Variants in WDR37 observed in about 807,000 individuals in gnomAD.
The protein encoded by WDR37 is WD repeat-containing protein 37.
Under a neutral mutation model 62.9 loss-of-function variants are expected in WDR37, and 19 were observed. The observed-to-expected ratio is 0.30, with a 90% confidence interval of 0.21 to 0.44. The LOEUF (loss-of-function observed/expected upper bound fraction) is 0.44, where lower values mean the gene tolerates loss of function less well. Ranked by LOEUF, WDR37 falls within the 20% of genes least tolerant of loss-of-function variation. WDR37 has a pLI of 1.00. For synonymous variants in WDR37, 250 were observed against 260.9 expected (o/e 0.96, Z 0.40); for missense variants, 474 against 657.6 (o/e 0.72, Z 3.05).
chr10:1,091,253 A>C (rs1168369338), intron 7 of WDR37, among the ~76,000 whole-genome samples: 5 of 152,156 alleles, frequency 3.3e-5, no homozygotes, highest in Admixed American at 2.6e-4. Flanking sequence ...AGACATAATA[A>C]AGTGAAAATT....
intron 9 of WDR37, among the ~76,000 whole-genome samples, chr10:1,097,912 G>T (rs1031790727): frequency 6.6e-6 from 1 of 152,172 alleles, no homozygotes; most frequent in Non-Finnish European, 1.5e-5. Context: ...TCAGCTTCAG[G>T]GTGGGCGAAT....
At chr10:1,057,506 A>T (rs1298612274) in intron 1 of WDR37, among the ~76,000 whole-genome samples, 1 of 152,134 alleles carries the variant, frequency 6.6e-6, no homozygotes, top group African/African-American at 2.4e-5. Context: ...GTGTGGAGTG[A>T]CGGATGCTGA....
chr10:1,129,354 C>A lies in WDR37; in HGVS notation c.*10C>A. On this transcript the variant is annotated 3_prime_UTR_variant, in exon 14 of 14. Transcript: ENST00000263150. ...GCTACAAGAAAAATAAGGACACCGG[C>A]AGCCCTTAGTTTCACTGTTTGCCAG... is the stretch of plus-strand genomic sequence containing the variant. The A allele has an allele frequency of 6.2e-7, 1 of 1,613,924 alleles. No homozygotes were observed. Among genetic ancestry groups the A allele is most frequent in the Non-Finnish European group, 8.5e-7 (1 of 1,179,878 alleles).
At chr10:1,083,798 G>A (rs1834105433) in intron 5 of WDR37, among the ~76,000 whole-genome samples, 1 of 152,234 alleles carries the variant, frequency 6.6e-6, no homozygotes, top group Non-Finnish European at 1.5e-5. Context: ...CGGCCGCGCT[G>A]CCCTGCATCC....
At chr10:1,061,209 C>T (rs1833361783) in intron 1 of WDR37, among the ~76,000 whole-genome samples, 1 of 152,172 alleles carries the variant, frequency 6.6e-6, no homozygotes, top group Admixed American at 6.5e-5. Flanking sequence ...TGCCAGTCCA[C>T]CAACTTTCTT....
chr10:1,070,223 A>AG (rs2131613310), intron 1 of WDR37, among the ~76,000 whole-genome samples: 1 of 151,954 alleles, frequency 6.6e-6, no homozygotes, highest in East Asian at 1.9e-4. Flanking sequence ...AAAAAAAAAA[A>AG]AAATTGGGAA....
intron 1 of WDR37, among the ~76,000 whole-genome samples, chr10:1,057,321 G>GAGGGCCCGGGGCGGCGCTGC (rs941539321): frequency 2.0e-5 from 3 of 152,118 alleles, no homozygotes; most frequent in African/African-American, 7.2e-5. Flanking sequence ...CGGGGCGCTG[G>GAGGGCCCGGGGCGGCGCTGC]AGGGGTTGGG....
At chr10:1,070,353 G>T (rs1421865013) in intron 1 of WDR37, among the ~76,000 whole-genome samples, 1 of 152,006 alleles carries the variant, frequency 6.6e-6, no homozygotes, top group East Asian at 1.9e-4. Context: ...AACATTTTTG[G>T]GTTATGCTTG....
At chr10:1,059,376 C>CA (rs1238206639) in intron 1 of WDR37, among the ~76,000 whole-genome samples, 7 of 151,892 alleles carry the variant, frequency 4.6e-5, no homozygotes, top group East Asian at 1.9e-4. Flanking sequence ...GATTCTGTGT[C>CA]AAAAAGAAAA....
chr10:1,059,921 C>T (rs915048557), intron 1 of WDR37, among the ~76,000 whole-genome samples: 20 of 152,232 alleles, frequency 1.3e-4, no homozygotes, highest in African/African-American at 4.6e-4. Context: ...CTCAGCTCAC[C>T]ACTGCCTCCA....
At chr10:1,092,872 C>CAAAAAAAAAAAA (rs56220560) in intron 7 of WDR37, among the ~76,000 whole-genome samples, 517 of 41,950 alleles carry the variant, frequency 0.012, 23 homozygotes, top group Non-Finnish European at 0.015. Flanking sequence ...CCCTATCTCA[C>CAAAAAAAAAAAA]AAAAAAAAAA....
At chr10:1,077,212 G>A (rs1338975020) in intron 2 of WDR37, among the ~76,000 whole-genome samples, 2 of 152,080 alleles carry the variant, frequency 1.3e-5, no homozygotes, top group Non-Finnish European at 2.9e-5. Context: ...TGATATGTTT[G>A]GTGCTCAGGA....
chr10:1,110,297 C>G (rs1197265138), intron 11 of WDR37, among the ~76,000 whole-genome samples: 5 of 152,190 alleles, frequency 3.3e-5, no homozygotes, highest in Non-Finnish European at 5.9e-5. Flanking sequence ...TGAACACAAA[C>G]TCTTCCTTCC....
intron 11 of WDR37, among the ~76,000 whole-genome samples, chr10:1,120,821 C>T (rs756471220): frequency 5.9e-5 from 9 of 152,244 alleles, no homozygotes; most frequent in East Asian, 1.9e-4. Flanking sequence ...AGTGAAATTT[C>T]GGCAGATTGT....
rs200222929 is a variant in WDR37 at position 1,118,743 on chromosome 10, CGTGTGT to C, written c.1104-5468_1104-5463del. Among the ~76,000 whole-genome samples the C allele has an allele frequency of 2.0e-5, 3 of 152,192 alleles. No homozygotes were observed. The East Asian group carries it at 5.8e-4, about 29-fold the overall frequency. ...CACTTTGTAAAAAAAAAGACTATTT[CGTGTGT>C]GTGTGTAAGAGAGGGACATACCAGT... On this transcript the variant is annotated intron_variant, in intron 11 of 13. Transcript: ENST00000263150.
intron 5 of WDR37, among the ~76,000 whole-genome samples, chr10:1,083,951 A>G (rs191525822): frequency 2.6e-5 from 4 of 152,372 alleles, no homozygotes; most frequent in Admixed American, 2.6e-4. Flanking sequence ...AAAAACAGCA[A>G]AATGTGAACA....
chr10:1,129,497 A>C lies in WDR37; in HGVS notation c.*153A>C. The C allele has an allele frequency of 8.6e-7, 1 of 1,157,928 alleles. No homozygotes were observed. Among genetic ancestry groups the C allele is most frequent in the South Asian group, 1.6e-5 (1 of 61,532 alleles). The allele number at this position is 1,157,928 out of a possible 1,614,324, so 71.7% of individuals were successfully genotyped here. A position where few individuals can be genotyped will look rare whatever the true frequency, so the allele number is the denominator to read the frequency against. On this transcript the variant is annotated 3_prime_UTR_variant, in exon 14 of 14. Coordinates refer to ENST00000263150, the MANE Select transcript of WDR37 (RefSeq NM_014023.4). ...TTTCACATAGTGCCCAGCTTGCATG[A>C]AATGTACAGAGAAATGTGTGGTCGT...
intron 11 of WDR37, among the ~76,000 whole-genome samples, chr10:1,123,159 A>G (rs1223208587): frequency 6.6e-6 from 1 of 152,224 alleles, no homozygotes; most frequent in African/African-American, 2.4e-5. Flanking sequence ...TGAATTAAAA[A>G]GAAAACTATT....
Position 1,129,216 on chromosome 10 carries a change from C to T in WDR37, c.1357C>T (p.His453Tyr). 1 of 1,613,916 alleles carries T rather than the reference C, an allele frequency of 6.2e-7. No homozygotes were observed. The highest frequency in any genetic ancestry group is 8.5e-7 in the Non-Finnish European group (1 of 1,179,870). ...ARLPRSSRQG[H>Y]RRMVCCSAWS... ...TGGTTTGTTTGATCATCACTAGGGC[C>T]ACAGGAGAATGGTATGCTGCTCGGC... Residue 453 changes from histidine (H) to tyrosine (Y), a missense_variant, in exon 14 of 14, where the codon CAC becomes TAC. Physicochemically the swap from His to Tyr is moderately conservative, Grantham distance 83 (BLOSUM62 2). Transcript: ENST00000263150.
Sources: gnomAD v4.1 joint callset for allele counts (sites outside exome capture counted in the v4.1 genomes callset) on GRCh38, gnomAD v4.1.1 for gene constraint, MANE v1.5 for transcripts, NCBI Gene and HGNC (gene_info 2026-07-23, HGNC 2026-07-21) for gene names.